CWC27: variants seen among roughly 807,000 people sequenced by gnomAD.
CWC27 encodes CWC27 spliceosome associated cyclophilin, also known as spliceosome-associated protein CWC27 homolog.
A neutral mutation model predicts 63.6 loss-of-function variants in CWC27; 47 were observed. That is an observed-to-expected ratio of 0.74 (90% CI 0.58 to 0.94). The LOEUF (loss-of-function observed/expected upper bound fraction) is 0.94. CWC27 is among the 40% of genes least tolerant of loss of function. CWC27 has a pLI of 0.00. For missense variants in CWC27, 495 were observed against 554.3 expected, an observed-to-expected ratio of 0.89 and a Z score of 1.07; for synonymous variants, 175 against 179.8, an observed-to-expected ratio of 0.97 and a Z score of 0.22.
At chr5:64,819,351 A>C (rs541050939) in intron 10 of CWC27, among the ~76,000 whole-genome samples, 16 of 152,168 alleles carry the variant, frequency 1.1e-4, no homozygotes, top group Admixed American at 6.5e-4. Context: ...CTTCGTGTGT[A>C]CCCCCGAACC....
chr5:64,980,514 G>A (rs557997334), intron 13 of CWC27, among the ~76,000 whole-genome samples: 19 of 152,200 alleles, frequency 1.2e-4, no homozygotes, highest in Admixed American at 5.9e-4. Context: ...AATAGGCTTC[G>A]ATCTTATGCA....
intron 2 of CWC27, among the ~76,000 whole-genome samples, chr5:64,776,362 G>A (rs1261426630): frequency 6.6e-6 from 1 of 152,042 alleles, no homozygotes; most frequent in Non-Finnish European, 1.5e-5. Flanking sequence ...ATGGTAAATT[G>A]CAATCCATGA....
chr5:64,795,940 A>AT (rs1368980265), intron 7 of CWC27, among the ~76,000 whole-genome samples: 1 of 150,942 alleles, frequency 6.6e-6, no homozygotes, highest in Non-Finnish European at 1.5e-5. Context: ...ATATACATAG[A>AT]TTTTTTTTCT....
intron 11 of CWC27, among the ~76,000 whole-genome samples, chr5:64,955,262 T>C (rs1748783571): frequency 6.6e-6 from 1 of 152,170 alleles, no homozygotes; most frequent in Non-Finnish European, 1.5e-5. Flanking sequence ...TCATTACATT[T>C]AGTTCTGTAA....
rs185760442 is a variant in CWC27, at chr5:64,965,044, G to A, written c.1043-6659G>A. On this transcript the variant is annotated intron_variant, in intron 11 of 13. Coordinates refer to ENST00000381070, the MANE Select transcript of CWC27 (RefSeq NM_005869.4). ...GTGGAGGTTGCAGTGAGCCAAGATC[G>A]CGCCATTGCACTCCAGCCTGGGCAA... 1.2e-4 allele frequency among the ~76,000 whole-genome samples: 19 copies of A among 152,168 alleles called. No homozygotes were observed. In the East Asian group the frequency reaches 1.7e-3, roughly 14 times the overall value.
chr5:64,783,254 G>A (rs1235458610), intron 3 of CWC27, among the ~76,000 whole-genome samples: 1 of 152,140 alleles, frequency 6.6e-6, no homozygotes, highest in African/African-American at 2.4e-5. Context: ...GCCCTGTCAT[G>A]GTGAGAAAAC....
intron 13 of CWC27, among the ~76,000 whole-genome samples, chr5:65,006,744 A>C (rs1171705319): frequency 6.6e-6 from 1 of 152,028 alleles, no homozygotes; most frequent in Non-Finnish European, 1.5e-5. Flanking sequence ...CTCACTCCTT[A>C]GGTATGGATT....
intron 2 of CWC27, among the ~76,000 whole-genome samples, chr5:64,779,011 G>T (rs1399462838): frequency 2.0e-5 from 3 of 152,062 alleles, no homozygotes; most frequent in African/African-American, 4.8e-5. Flanking sequence ...AATTATGAGG[G>T]TGTCTCCAAG....
rs1749144478 is a variant in CWC27, at chr5:64,972,538, C to T, written c.1152+726C>T. ...AATATATATGGATATAAACAAACTG[C>T]CTTATATATATATATATGGACACAC... On this transcript the variant is annotated intron_variant, in intron 12 of 13. Coordinates refer to ENST00000381070, the MANE Select transcript of CWC27 (RefSeq NM_005869.4). 3 of 252,208 alleles carry T rather than the reference C, an allele frequency of 1.2e-5. No homozygotes were observed. The Admixed American group carries it at 1.4e-4, about 12-fold the overall frequency. 15.6% of individuals were successfully genotyped at this position (252,208 alleles called of 1,614,324 possible). A position where few individuals can be genotyped will look rare whatever the true frequency, so the allele number is the denominator to read the frequency against.
chr5:64,861,175 A>C (rs1018411737), intron 10 of CWC27, among the ~76,000 whole-genome samples: 8 of 151,922 alleles, frequency 5.3e-5, no homozygotes, highest in Admixed American at 4.6e-4. Flanking sequence ...TTTTCACAAC[A>C]TGGTGGTCTC....
intron 13 of CWC27, among the ~76,000 whole-genome samples, chr5:64,985,798 C>A (rs1749413547): frequency 6.6e-6 from 1 of 152,120 alleles, no homozygotes; most frequent in African/African-American, 2.4e-5. Context: ...ATAGGAGTGG[C>A]GTGAGTAGAC....
At chr5:64,870,819 T>C (rs972358196) in intron 10 of CWC27, among the ~76,000 whole-genome samples, 22 of 152,184 alleles carry the variant, frequency 1.4e-4, no homozygotes, top group African/African-American at 5.3e-4. Context: ...TGTTTTTGTT[T>C]GGTGGCATGT....
intron 13 of CWC27, among the ~76,000 whole-genome samples, chr5:65,005,791 TA>T (rs533272933): frequency 5.3e-5 from 8 of 152,188 alleles, no homozygotes; most frequent in Non-Finnish European, 1.2e-4. Context: ...GCCCTAAAAT[TA>T]AATATTCATA....
intron 7 of CWC27, among the ~76,000 whole-genome samples, chr5:64,795,448 T>A (rs897117044): frequency 1.3e-5 from 2 of 152,180 alleles, no homozygotes; most frequent in African/African-American, 4.8e-5. Context: ...GTCAGAAGTC[T>A]GCAATAGGTT....
intron 1 of CWC27, among the ~76,000 whole-genome samples, chr5:64,774,372 C>T (rs1743366525): frequency 6.6e-6 from 1 of 152,124 alleles, no homozygotes; most frequent in Admixed American, 6.5e-5. Context: ...TTCTTGAACT[C>T]CTAGCCTCAA....
At chr5:64,916,426 C>T (rs1170897165) in intron 11 of CWC27, among the ~76,000 whole-genome samples, 1 of 152,054 alleles carries the variant, frequency 6.6e-6, no homozygotes, top group Non-Finnish European at 1.5e-5. Context: ...ATTCATGTTT[C>T]GTGGCCATAA....
chr5:64,992,618 G>A (rs533228503), intron 13 of CWC27, among the ~76,000 whole-genome samples: 104 of 150,854 alleles, frequency 6.9e-4, no homozygotes, highest in African/African-American at 2.5e-3. Context: ...TGCAAGCTCC[G>A]CCTCCTGGGT....
chr5:64,875,619 G>A (rs1431401783), intron 10 of CWC27, among the ~76,000 whole-genome samples: 1 of 152,010 alleles, frequency 6.6e-6, no homozygotes, highest in African/African-American at 2.4e-5. Flanking sequence ...TTAGGATATG[G>A]GAATTTTGTA....
At chr5:64,814,445 T>C (rs1744971491) in intron 10 of CWC27, among the ~76,000 whole-genome samples, 1 of 152,186 alleles carries the variant, frequency 6.6e-6, no homozygotes, top group African/African-American at 2.4e-5. Flanking sequence ...TCCACAGATA[T>C]TTATTATTAT....
Sources: allele counts gnomAD v4.1 joint callset (sites outside exome capture counted in the v4.1 genomes callset), GRCh38; gene constraint gnomAD v4.1.1; transcripts MANE v1.5; gene names NCBI Gene and HGNC (gene_info 2026-07-23, HGNC 2026-07-21).